Variants in RBFOX2 observed in about 807,000 individuals in gnomAD.
The protein encoded by RBFOX2 is RNA binding fox-1 homolog 2.
A neutral mutation model predicts 49.1 loss-of-function variants in RBFOX2; 10 were observed. The observed-to-expected ratio is 0.20, with a 90% CI of 0.13 to 0.35. The LOEUF is 0.35. Ranked by LOEUF, RBFOX2 falls within the 10% of genes least tolerant of loss-of-function variation. The pLI is 1.00. For synonymous variants in RBFOX2, 183 were observed against 187.4 expected, an observed-to-expected ratio of 0.98 and a Z score of 0.19; for missense variants, 323 against 486.9, an observed-to-expected ratio of 0.66 and a Z score of 3.17.
intron 1 of RBFOX2, among the ~76,000 whole-genome samples, chr22:35,946,466 A>G (rs993041131): frequency 2.0e-5 from 3 of 152,200 alleles, no homozygotes; most frequent in African/African-American, 7.2e-5. Context: ...GTAATAGATA[A>G]TATCTACCAC....
intron 1 of RBFOX2, among the ~76,000 whole-genome samples, chr22:35,831,698 C>A (rs1162495022): frequency 6.6e-6 from 1 of 152,140 alleles, no homozygotes; most frequent in Admixed American, 6.5e-5. Context: ...GATCTTTGCT[C>A]TCAGTTAAGA....
At chr22:35,950,884 T>C (rs1294228151) in intron 1 of RBFOX2, among the ~76,000 whole-genome samples, 1 of 152,096 alleles carries the variant, frequency 6.6e-6, no homozygotes, top group Non-Finnish European at 1.5e-5. Flanking sequence ...CTATATCTGC[T>C]GTTATTTAGA....
At chr22:35,947,547 C>T (rs1666373375) in intron 1 of RBFOX2, among the ~76,000 whole-genome samples, 2 of 151,160 alleles carry the variant, frequency 1.3e-5, no homozygotes. Context: ...GTGTTACTGG[C>T]CATTACCACC....
chr22:35,757,266 A>G (rs2146209414), intron 9 of RBFOX2, among the ~76,000 whole-genome samples: 1 of 152,084 alleles, frequency 6.6e-6, no homozygotes, highest in South Asian at 2.1e-4. Context: ...CTATATTCTT[A>G]AGTATAGATT....
At chr22:35,819,380 C>T (rs1280951350) in intron 1 of RBFOX2, among the ~76,000 whole-genome samples, 1 of 152,122 alleles carries the variant, frequency 6.6e-6, no homozygotes. Flanking sequence ...TGAGCCATTG[C>T]TCTCACCTAG....
At chr22:36,025,761 C>T (rs5756045) in intron 1 of RBFOX2, among the ~76,000 whole-genome samples, 1 of 151,962 alleles carries the variant, frequency 6.6e-6, no homozygotes, top group African/African-American at 2.4e-5. Flanking sequence ...GGGTGCGGTG[C>T]CTCACACCTG....
At chr22:35,763,875 G>A (rs1939862635) in intron 6 of RBFOX2, among the ~76,000 whole-genome samples, 1 of 152,158 alleles carries the variant, frequency 6.6e-6, no homozygotes, top group African/African-American at 2.4e-5. Context: ...CTGGTCCACT[G>A]TCACGGAGTA....
chr22:35,781,548 G>T, intron 3 of RBFOX2, 52 bp downstream of exon 4: 1 of 1,578,786 alleles, frequency 6.3e-7, no homozygotes, highest in Non-Finnish European at 8.7e-7. Flanking sequence ...ACATCTGGGG[G>T]ATTAAAATCT....
chr22:35,790,785 T>A (rs910351618), intron 2 of RBFOX2, among the ~76,000 whole-genome samples: 14 of 152,240 alleles, frequency 9.2e-5, no homozygotes, highest in Admixed American at 7.8e-4. Flanking sequence ...ATTCCAGCAC[T>A]CTAGGAGGCC....
intron 5 of RBFOX2, among the ~76,000 whole-genome samples, chr22:35,766,996 T>G (rs771767574): frequency 5.9e-5 from 9 of 151,658 alleles, no homozygotes; most frequent in Non-Finnish European, 1.2e-4. Flanking sequence ...GAAAGAACAG[T>G]CAGAGCTACA....
At chr22:36,024,686 A>G (rs996170328) in intron 1 of RBFOX2, among the ~76,000 whole-genome samples, 1 of 151,986 alleles carries the variant, frequency 6.6e-6, no homozygotes, top group Middle Eastern at 3.4e-3. Context: ...GGTTGCAGTG[A>G]GCTGAGATCA....
chr22:35,971,141 T>C (rs1162650406), intron 1 of RBFOX2, among the ~76,000 whole-genome samples: 1 of 152,068 alleles, frequency 6.6e-6, no homozygotes, highest in Admixed American at 6.6e-5. Flanking sequence ...AACGGCCAAA[T>C]TCAAGCCCAC....
At chr22:35,917,643 TACTC>T (rs1389868110) in intron 1 of RBFOX2, among the ~76,000 whole-genome samples, 2 of 152,012 alleles carry the variant, frequency 1.3e-5, no homozygotes, top group African/African-American at 4.8e-5. Context: ...GTCATGAAGA[TACTC>T]ACTGGACACA....
chr22:36,014,122 C>CTT (rs1338157670), intron 1 of RBFOX2, among the ~76,000 whole-genome samples: 4 of 137,804 alleles, frequency 2.9e-5, no homozygotes, highest in Non-Finnish European at 4.8e-5. Context: ...ATTATCATTT[C>CTT]TTTTTTTTTT....
intron 1 of RBFOX2, among the ~76,000 whole-genome samples, chr22:35,895,090 C>CTCTT (rs1261212690): frequency 6.6e-6 from 1 of 151,914 alleles, no homozygotes; most frequent in Non-Finnish European, 1.5e-5. Flanking sequence ...CTCTCTCTCT[C>CTCTT]TCTTTCTCTC....
chr22:35,788,935 G>A (rs531128501), intron 2 of RBFOX2, among the ~76,000 whole-genome samples: 193 of 152,134 alleles, frequency 1.3e-3, no homozygotes, highest in Non-Finnish European at 2.3e-3. Flanking sequence ...CTTCTGGACC[G>A]GTCCTCTAAT....
chr22:35,827,628 A>T lies in RBFOX2; in HGVS notation c.27+12564T>A, dbSNP rs181532192. On this transcript the variant is annotated intron_variant, in intron 1 of 11. Transcript: ENST00000405409. Reference sequence around the variant, plus strand: ...ACCTTCCACTTCTGCCAAACTTCTCAAACTCTTTCCTCATATAAGCTTTTA... The same window carrying T: ...ACCTTCCACTTCTGCCAAACTTCTCTAACTCTTTCCTCATATAAGCTTTTA... 8.5e-4 allele frequency among the ~76,000 whole-genome samples: 129 copies of T among 152,300 alleles called. 1 individual carries two copies. The highest frequency in any genetic ancestry group is 3.0e-3 in the African/African-American group (125 of 41,556).
chr22:35,766,905 G>C (rs890099304), intron 5 of RBFOX2, among the ~76,000 whole-genome samples: 1 of 152,044 alleles, frequency 6.6e-6, no homozygotes, highest in Admixed American at 6.6e-5. Context: ...AATAGGGAAA[G>C]GGACAGGAAC....
upstream of RBFOX2, among the ~76,000 whole-genome samples, chr22:35,844,655 C>T (rs111795255): frequency 6.6e-4 from 98 of 148,740 alleles, no homozygotes; most frequent in Middle Eastern, 6.9e-3. Context: ...CCACCATGCC[C>T]GGCAGTTTTT....
Sources: gnomAD v4.1 joint callset for allele counts (sites outside exome capture counted in the v4.1 genomes callset) on GRCh38, gnomAD v4.1.1 for gene constraint, MANE v1.5 for transcripts, NCBI Gene and HGNC (gene_info 2026-07-23, HGNC 2026-07-21) for gene names.